Variants in VPS26C observed in about 807,000 individuals in gnomAD.
The protein encoded by VPS26C is VPS26 endosomal protein sorting factor C.
In VPS26C, 19 loss-of-function variants were observed where a neutral mutation model predicts 30.6. The observed-to-expected ratio is 0.62, with a 90% CI of 0.43 to 0.91. The LOEUF (loss-of-function observed/expected upper bound fraction) is 0.91, where lower values mean the gene tolerates loss of function less well. VPS26C is among the 40% of genes least tolerant of loss of function. The pLI is 0.00. For synonymous variants in VPS26C, 132 were observed against 151.5 expected (o/e 0.87, Z 0.95); for missense variants, 318 against 385.1 (o/e 0.83, Z 1.46).
In VPS26C at chr21:37,257,515, G is replaced by A. The variant is rs1048750878; in HGVS notation, c.57+9723C>T. ...GAAAAGTAACTGGGTTGGGGTGGGG[G>A]TGTAGCCACATGCAGTAAAAGCACT... On this transcript the variant is annotated intron_variant, in intron 1 of 7. Coordinates refer to ENST00000309117, the MANE Select transcript of VPS26C (RefSeq NM_006052.2). This position sits in a 1 kb window ranked among gnomAD's most constrained non-coding sequence, Gnocchi z 4.2. Among the ~76,000 whole-genome samples the A allele has an allele frequency of 6.6e-6, 1 of 152,238 alleles. No homozygotes were observed. The highest frequency in any genetic ancestry group is 1.9e-4 in the East Asian group (1 of 5,202).
At chr21:37,245,384 C>A (rs1031185311) in intron 1 of VPS26C, among the ~76,000 whole-genome samples, 1 of 152,148 alleles carries the variant, frequency 6.6e-6, no homozygotes, top group East Asian at 1.9e-4. Flanking sequence ...TGCCCTGGCC[C>A]CCTTGCCATT....
rs201186419 is a variant in VPS26C at position 37,240,436 on chromosome 21, C to T, written c.201+60G>A. ...CACTGCGCCTGGCCCTGAGCCACTG[C>T]GCCCAGCCCAACATTTCAATATTGA... On this transcript the variant is annotated intron_variant, in intron 2 of 7. Transcript: ENST00000309117. 71 of 1,590,058 alleles carry T rather than the reference C, an allele frequency of 4.5e-5. 1 individual carries two copies. Among genetic ancestry groups the T allele is most frequent in the South Asian group, 1.8e-4 (16 of 88,002 alleles).
Position 37,233,322 on chromosome 21 carries a change from T to A in VPS26C, c.432+40A>T, listed in dbSNP as rs1569232795. 1 of 1,536,542 alleles carries A rather than the reference T, an allele frequency of 6.5e-7. No homozygotes were observed. The highest frequency in any genetic ancestry group is 2.2e-5 in the East Asian group (1 of 44,476). ...GTAAACTCTCAGACCCCATGGGAGATTCCTATCATTAAGCACCAGAGTCCC... is the reference window on the plus strand; with the variant it reads ...GTAAACTCTCAGACCCCATGGGAGAATCCTATCATTAAGCACCAGAGTCCC... On this transcript the variant is annotated intron_variant, in intron 4 of 7. Transcript: ENST00000309117. The surrounding 1 kb of genome is among the most constrained non-coding windows in gnomAD (Gnocchi z 5.2).
At chr21:37,227,557 G>A in intron 7 of VPS26C, 97 bp downstream of exon 7, 1 of 1,417,812 alleles carries the variant, frequency 7.1e-7, no homozygotes, top group Middle Eastern at 2.4e-4. Flanking sequence ...AGGGACCGAA[G>A]GGCGGCAGGT....
chr21:37,238,970 G>A (rs2086054841), intron 2 of VPS26C, among the ~76,000 whole-genome samples: 1 of 152,184 alleles, frequency 6.6e-6, no homozygotes, highest in East Asian at 1.9e-4. Context: ...GGGTTGACGT[G>A]TGAACCCACG....
At chr21:37,265,813 C>T (rs1602293547) in intron 1 of VPS26C, among the ~76,000 whole-genome samples, 1 of 151,320 alleles carries the variant, frequency 6.6e-6, no homozygotes, top group South Asian at 2.1e-4. Flanking sequence ...GAATGTCAGT[C>T]GTCTCATTAG....
intron 7 of VPS26C, chr21:37,225,862 A>G (rs1338216907): frequency 1.8e-6 from 1 of 568,694 alleles, no homozygotes; most frequent in Non-Finnish European, 3.2e-6. Context: ...TTGTCCTCTC[A>G]TCTTGGAACA....
intron 1 of VPS26C, 24 bp downstream of exon 1, chr21:37,267,214 T>TCCCCCCCCCCCCCCCCCCCCTTC: frequency 2.2e-6 from 1 of 457,114 alleles, no homozygotes; most frequent in Non-Finnish European, 4.2e-6. Context: ...CCCACCTCCA[T>TCCCCCCCCCCCCCCCCCCCCTTC]CCCCACCCCC....
At chr21:37,266,194 A>C (rs1183876553) in intron 1 of VPS26C, among the ~76,000 whole-genome samples, 1 of 152,130 alleles carries the variant, frequency 6.6e-6, no homozygotes, top group African/African-American at 2.4e-5. Context: ...CTGGTAATAC[A>C]AGCGTGAGCC....
intron 4 of VPS26C, chr21:37,232,713 A>T (rs1167184168): frequency 8.9e-6 from 5 of 564,734 alleles, no homozygotes. Context: ...TTAAAATCAG[A>T]TCTAAGAAAC....
chr21:37,258,357 C>A (rs1006093359), intron 1 of VPS26C, among the ~76,000 whole-genome samples: 23 of 151,958 alleles, frequency 1.5e-4, no homozygotes, highest in Admixed American at 3.9e-4. Flanking sequence ...AGCCGCAACC[C>A]CTCTTTTCAG....
At chr21:37,248,616 C>G (rs548144924) in intron 1 of VPS26C, among the ~76,000 whole-genome samples, 2 of 151,692 alleles carry the variant, frequency 1.3e-5, no homozygotes, top group South Asian at 4.2e-4. Flanking sequence ...CTAAATAAGG[C>G]CCCCAAACCC....
chr21:37,247,161 A>C (rs1399560039), intron 1 of VPS26C, among the ~76,000 whole-genome samples: 3 of 152,264 alleles, frequency 2.0e-5, no homozygotes, highest in African/African-American at 7.2e-5. Flanking sequence ...TAATAGCCAC[A>C]CTATGGCCAG....
intron 1 of VPS26C, among the ~76,000 whole-genome samples, chr21:37,264,597 T>C (rs1240224134): frequency 6.6e-6 from 1 of 152,230 alleles, no homozygotes; most frequent in African/African-American, 2.4e-5. Context: ...ATATATAGTC[T>C]CCTGTCACTG....
chr21:37,244,801 G>A (rs937480927), intron 1 of VPS26C, among the ~76,000 whole-genome samples: 3 of 152,164 alleles, frequency 2.0e-5, no homozygotes, highest in East Asian at 1.9e-4. Flanking sequence ...GCAGGGGGAC[G>A]TGATGAAAAA....
chr21:37,244,526 CCTAA>C (rs1333740503), intron 1 of VPS26C, among the ~76,000 whole-genome samples: 7 of 152,304 alleles, frequency 4.6e-5, no homozygotes, highest in African/African-American at 1.7e-4. Flanking sequence ...GAGCACCCAG[CCTAA>C]CTTTGTATTC....
intron 1 of VPS26C, among the ~76,000 whole-genome samples, chr21:37,258,145 A>G (rs2086263968): frequency 1.3e-5 from 2 of 152,246 alleles, no homozygotes; most frequent in African/African-American, 4.8e-5. Flanking sequence ...CCGTTCTAGG[A>G]AAACGTTGCC....
intron 2 of VPS26C, among the ~76,000 whole-genome samples, chr21:37,240,048 G>A (rs1024079760): frequency 6.6e-6 from 1 of 152,174 alleles, no homozygotes; most frequent in Non-Finnish European, 1.5e-5. Flanking sequence ...AATATCAGAA[G>A]TGTAACTACC....
rs1409502127 is a variant in VPS26C at position 37,226,767 on chromosome 21, G to A, written c.811+887C>T. On this transcript the variant is annotated intron_variant, in intron 7 of 7. Transcript: ENST00000309117. The surrounding 1 kb of genome is among the most constrained non-coding windows in gnomAD (Gnocchi z 4.1). ...CGGAATTGGAGGGGAACACACAGAG[G>A]TGCTGCTCTTGATGTGGATGCAGTG... 1 of 152,206 alleles carries A rather than the reference G, an allele frequency of 6.6e-6. No individual in the cohort carries two copies. The highest frequency in any genetic ancestry group is 1.5e-5 in the Non-Finnish European group (1 of 68,044). The allele number at this position is 152,206 out of a possible 1,614,324, so 9.4% of individuals were successfully genotyped here. A position where few individuals can be genotyped will look rare whatever the true frequency, so the allele number is the denominator to read the frequency against.
Sources: gnomAD v4.1 joint callset for allele counts (sites outside exome capture counted in the v4.1 genomes callset) on GRCh38, gnomAD v4.1.1 for gene constraint, Gnocchi (gnomAD v3.1) non-coding constraint, MANE v1.5 for transcripts, NCBI Gene and HGNC (gene_info 2026-07-23, HGNC 2026-07-21) for gene names.